Variants in PBX1 observed in about 807,000 individuals in gnomAD.
PBX1 encodes the protein PBX homeobox 1, also known as pre-B-cell leukemia transcription factor 1.
In PBX1, 6 loss-of-function variants were observed where a neutral mutation model predicts 53.4. That is an observed-to-expected ratio of 0.11 (90% CI 0.06 to 0.22). The LOEUF is 0.22. Ranked by LOEUF, PBX1 falls within the 10% of genes least tolerant of loss-of-function variation. The pLI is 1.00. For synonymous variants in PBX1, 204 were observed against 212.3 expected (o/e 0.96, Z 0.34); for missense variants, 251 against 551.4 (o/e 0.46, Z 5.46).
chr1:164,790,498 CCTT>C (rs1668444768), intron 2 of PBX1, among the ~76,000 whole-genome samples: 1 of 152,112 alleles, frequency 6.6e-6, no homozygotes, highest in African/African-American at 2.4e-5. Flanking sequence ...GTGCAGGCTT[CCTT>C]CTTTTCTCCT....
intron 2 of PBX1, among the ~76,000 whole-genome samples, chr1:164,750,688 A>C (rs1237753079): frequency 6.6e-6 from 1 of 152,114 alleles, no homozygotes. Flanking sequence ...TCTTTGTTTC[A>C]GTGGGTTCTT....
Position 164,756,410 on chromosome 1 carries a change from T to G in PBX1, c.266-36084T>G, listed in dbSNP as rs547853093. ...GCGAAACGTTAAAAATTGGAAAAGT[T>G]GTTTTTTTCAGAGATAATTTACACG... On this transcript the variant is annotated intron_variant, in intron 2 of 8. Coordinates refer to ENST00000420696, the MANE Select transcript of PBX1 (RefSeq NM_002585.4). Among the ~76,000 whole-genome samples, 209 of 152,348 alleles carry G rather than the reference T, an allele frequency of 1.4e-3. 1 individual carries two copies. Among genetic ancestry groups the G allele is most frequent in the African/African-American group, 5.0e-3 (208 of 41,576 alleles).
intron 4 of PBX1, among the ~76,000 whole-genome samples, chr1:164,806,758 A>G (rs1669373880): frequency 6.6e-6 from 1 of 152,162 alleles, no homozygotes; most frequent in African/African-American, 2.4e-5. Flanking sequence ...GCCAAGAGGG[A>G]GGGGTCAGGC....
intron 2 of PBX1, among the ~76,000 whole-genome samples, chr1:164,615,896 G>A (rs1358230785): frequency 1.3e-5 from 2 of 152,144 alleles, no homozygotes; most frequent in African/African-American, 4.8e-5. Flanking sequence ...TGGCCTCCCT[G>A]GGTTGGATAT....
chr1:164,869,305 C>G (rs1280456362), intron 2 of PBX1, among the ~76,000 whole-genome samples: 1 of 152,162 alleles, frequency 6.6e-6, no homozygotes, highest in Admixed American at 6.5e-5. Flanking sequence ...CCAGGAGATC[C>G]ATCTGCCTGT....
chr1:164,857,464 T>A lies in PBX1; in HGVS notation n.257+25981T>A, dbSNP rs993307595. On this transcript the variant is annotated intron_variant and non_coding_transcript_variant, in intron 2 of 2. Coordinates refer to the PBX1 transcript ENST00000558796. ...CATTGTTTAGGGATCTCATGTAGATTTCATTAAATACATATGATTGACTAA... is the reference window on the plus strand; with the variant it reads ...CATTGTTTAGGGATCTCATGTAGATATCATTAAATACATATGATTGACTAA... 3.3e-5 allele frequency among the ~76,000 whole-genome samples: 5 copies of A among 152,148 alleles called. No homozygotes were observed. In the South Asian group the frequency reaches 1.0e-3, roughly 32 times the overall value.
chr1:164,713,623 A>G (rs1331278256), intron 2 of PBX1, among the ~76,000 whole-genome samples: 1 of 151,814 alleles, frequency 6.6e-6, no homozygotes, highest in African/African-American at 2.4e-5. Flanking sequence ...TCTTCCTAAG[A>G]CTGAAAGAAT....
intron 2 of PBX1, among the ~76,000 whole-genome samples, chr1:164,615,632 C>A (rs1198878732): frequency 6.6e-6 from 1 of 152,104 alleles, no homozygotes; most frequent in Non-Finnish European, 1.5e-5. Context: ...TTGATTGGAT[C>A]GACGAGGTGG....
At chr1:164,653,784 C>A (rs1345318308) in intron 2 of PBX1, among the ~76,000 whole-genome samples, 1 of 152,066 alleles carries the variant, frequency 6.6e-6, no homozygotes, top group African/African-American at 2.4e-5. Context: ...ACAGGGCAGA[C>A]AAAAGCCTGT....
chr1:164,654,561 A>T, intron 2 of PBX1, among the ~76,000 whole-genome samples: 1 of 152,216 alleles, frequency 6.6e-6, no homozygotes, highest in East Asian at 1.9e-4. Flanking sequence ...CTGGAATTTA[A>T]ATTCTTTCCT....
intron 2 of PBX1, among the ~76,000 whole-genome samples, chr1:164,876,225 T>C (rs1672508008): frequency 6.6e-6 from 1 of 152,076 alleles, no homozygotes; most frequent in Non-Finnish European, 1.5e-5. Flanking sequence ...AGTAGTATGC[T>C]GATCTTGATA....
intron 2 of PBX1, among the ~76,000 whole-genome samples, chr1:164,594,755 T>C (rs527477489): frequency 2.0e-4 from 31 of 152,360 alleles, no homozygotes; most frequent in African/African-American, 7.5e-4. Context: ...TAATCTCTTT[T>C]GTCCTAAGTC....
intron 2 of PBX1, among the ~76,000 whole-genome samples, chr1:164,599,658 G>A (rs886896262): frequency 2.0e-5 from 3 of 152,168 alleles, no homozygotes; most frequent in Non-Finnish European, 4.4e-5. Context: ...GGCGACTGTA[G>A]GGACACTTGT....
intron 2 of PBX1, among the ~76,000 whole-genome samples, chr1:164,610,865 A>G (rs1191181396): frequency 1.3e-5 from 2 of 152,246 alleles, no homozygotes; most frequent in Non-Finnish European, 2.9e-5. Flanking sequence ...AGAAAATCAA[A>G]TTAAATGTTT....
intron 2 of PBX1, among the ~76,000 whole-genome samples, chr1:164,588,767 A>G (rs1212661371): frequency 1.3e-5 from 2 of 152,076 alleles, no homozygotes; most frequent in African/African-American, 2.4e-5. Context: ...CATGGGCCCA[A>G]CAGCCTTGTT....
intron 2 of PBX1, among the ~76,000 whole-genome samples, chr1:164,654,484 A>G (rs1242493740): frequency 4.0e-5 from 6 of 151,150 alleles, no homozygotes; most frequent in Non-Finnish European, 7.4e-5. Flanking sequence ...AGCTGGGTTG[A>G]ACACATTTGA....
rs183197116 is a variant in PBX1, at chr1:164,664,781, A to T, written c.265+101470A>T. 2.3e-4 allele frequency among the ~76,000 whole-genome samples: 35 copies of T among 152,324 alleles called. 1 individual carries two copies. The South Asian group carries it at 6.2e-3, about 27-fold the overall frequency. ...ATCTTATGTGGATGGCAGCAGGCAA[A>T]AAAAGAGATTGGGCAGGGGAACTCC... is the stretch of plus-strand genomic sequence containing the variant. On this transcript the variant is annotated intron_variant, in intron 2 of 8. Coordinates refer to ENST00000420696, the MANE Select transcript of PBX1 (RefSeq NM_002585.4).
chr1:164,792,363 T>G (rs1234798780), intron 2 of PBX1, 131 bp from the exon 3 acceptor site: 3 of 1,453,628 alleles, frequency 2.1e-6, no homozygotes, highest in African/African-American at 2.9e-5. Context: ...TTCCAGCCTT[T>G]CTTCTATTCC....
chr1:164,797,385 G>T (rs1342628560), intron 3 of PBX1, among the ~76,000 whole-genome samples: 1 of 152,116 alleles, frequency 6.6e-6, no homozygotes, highest in Non-Finnish European at 1.5e-5. Flanking sequence ...CTTGCCATGT[G>T]CCTAGCCCTC....
Sources: allele counts gnomAD v4.1 joint callset (sites outside exome capture counted in the v4.1 genomes callset), GRCh38; gene constraint gnomAD v4.1.1; transcripts MANE v1.5; gene names NCBI Gene and HGNC (gene_info 2026-07-23, HGNC 2026-07-21).